Variants in NELL1 observed in about 807,000 individuals in gnomAD.
NELL1 encodes the protein protein kinase C-binding protein NELL1.
A neutral mutation model predicts 107.4 loss-of-function variants in NELL1; 76 were observed. The ratio of observed to expected loss-of-function variants is 0.71; its 90% confidence interval spans 0.59 to 0.86. The LOEUF (loss-of-function observed/expected upper bound fraction) is 0.86, where lower values mean the gene tolerates loss of function less well. Ranked by LOEUF, NELL1 falls within the 40% of genes least tolerant of loss-of-function variation. NELL1 has a pLI of 0.00. For missense variants in NELL1, 1,024 were observed against 1,005.5 expected (o/e 1.02, Z -0.25); for synonymous variants, 353 against 341.2 (o/e 1.03, Z -0.38).
At chr11:20,842,751 A>G (rs1848642713) in intron 3 of NELL1, among the ~76,000 whole-genome samples, 1 of 152,236 alleles carries the variant, frequency 6.6e-6, no homozygotes, top group Admixed American at 6.5e-5. Context: ...TACGAGGATT[A>G]CATGAGTAAA....
At chr11:21,351,976 T>A (rs1850827963) in intron 14 of NELL1, among the ~76,000 whole-genome samples, 1 of 152,170 alleles carries the variant, frequency 6.6e-6, no homozygotes, top group Non-Finnish European at 1.5e-5. Context: ...TCTGTTACCG[T>A]CTCCTACAAC....
chr11:21,169,729 A>T, intron 13 of NELL1: 1 of 801,754 alleles, frequency 1.2e-6, no homozygotes. Flanking sequence ...GCACAGAAGT[A>T]GTCATGTGAC....
chr11:21,285,740 A>G (rs867595298), intron 14 of NELL1, among the ~76,000 whole-genome samples: 7 of 152,226 alleles, frequency 4.6e-5, no homozygotes, highest in Admixed American at 1.3e-4. Flanking sequence ...AGTGTTTCAC[A>G]GTCTTTTACG....
chr11:21,276,818 A>G (rs953597470), intron 14 of NELL1, among the ~76,000 whole-genome samples: 2 of 152,244 alleles, frequency 1.3e-5, no homozygotes, highest in Non-Finnish European at 2.9e-5. Flanking sequence ...TGTTTAATCA[A>G]TGGCGCTGGG....
chr11:21,434,483 CT>C (rs1251257277), intron 15 of NELL1, among the ~76,000 whole-genome samples: 1 of 152,022 alleles, frequency 6.6e-6, no homozygotes, highest in Non-Finnish European at 1.5e-5. Context: ...GTGTCTTTGT[CT>C]AAAATCAGAT....
intron 10 of NELL1, among the ~76,000 whole-genome samples, chr11:20,943,703 TAGTG>T (rs1850905344): frequency 6.6e-6 from 1 of 152,082 alleles, no homozygotes; most frequent in Non-Finnish European, 1.5e-5. Context: ...GCCACATAGG[TAGTG>T]AGTGAGCCAG....
intron 2 of NELL1, among the ~76,000 whole-genome samples, chr11:20,779,457 G>T (rs1173398833): frequency 6.6e-6 from 1 of 152,036 alleles, no homozygotes; most frequent in Non-Finnish European, 1.5e-5. Flanking sequence ...TGTCCCATTT[G>T]TTTTTCCTGT....
intron 2 of NELL1, among the ~76,000 whole-genome samples, chr11:20,767,202 AG>A (rs1564900278): frequency 6.6e-6 from 1 of 152,182 alleles, no homozygotes. Flanking sequence ...CAGCTCTTAA[AG>A]GTGACATGGA....
intron 12 of NELL1, among the ~76,000 whole-genome samples, chr11:21,051,093 A>G (rs1853482602): frequency 6.6e-6 from 1 of 152,202 alleles, no homozygotes. Context: ...ATACATGTTC[A>G]TAGCAACCCA....
At chr11:21,010,405 A>T (rs920299848) in intron 12 of NELL1, among the ~76,000 whole-genome samples, 2 of 152,068 alleles carry the variant, frequency 1.3e-5, no homozygotes, top group Non-Finnish European at 2.9e-5. Flanking sequence ...TCCAAGTTCT[A>T]ATACAATAGA....
intron 14 of NELL1, among the ~76,000 whole-genome samples, chr11:21,266,235 G>A (rs1169364178): frequency 1.3e-5 from 2 of 151,958 alleles, no homozygotes; most frequent in Non-Finnish European, 2.9e-5. Context: ...TGTGAAGGCA[G>A]TAGGTTTTAT....
intron 2 of NELL1, among the ~76,000 whole-genome samples, chr11:20,755,547 T>TA (rs1856248583): frequency 1.1e-4 from 4 of 38,028 alleles, no homozygotes; most frequent in East Asian, 1.1e-3. Context: ...TTTGTTTTTT[T>TA]TTGTTTTTGT....
At chr11:20,708,841 A>G (rs1388026496) in intron 2 of NELL1, among the ~76,000 whole-genome samples, 1 of 152,156 alleles carries the variant, frequency 6.6e-6, no homozygotes, top group Non-Finnish European at 1.5e-5. Context: ...GGCACCAGGG[A>G]CCAGTTGCAT....
chr11:21,526,840 A>C lies in NELL1; in HGVS notation c.1646-7534A>C, dbSNP rs1178715904. ...CAGAGGGGCCCTGGACTCAGCCCCA[A>C]AAACCACTTTTCCCTCCTAGGCCTC... is the stretch of plus-strand genomic sequence containing the variant. On this transcript the variant is annotated intron_variant, in intron 15 of 19. Transcript: ENST00000357134. Among the ~76,000 whole-genome samples the C allele has an allele frequency of 2.0e-5, 3 of 152,200 alleles. No homozygotes were observed. In the East Asian group the frequency reaches 5.8e-4, roughly 29 times the overall value.
At chr11:20,869,027 C>G (rs1471701989) in intron 4 of NELL1, among the ~76,000 whole-genome samples, 4 of 152,088 alleles carry the variant, frequency 2.6e-5, no homozygotes, top group Admixed American at 2.6e-4. Context: ...TGTCTGGAAC[C>G]AAGGGTCCAG....
intron 12 of NELL1, among the ~76,000 whole-genome samples, chr11:21,064,529 A>T (rs985683906): frequency 2.0e-5 from 3 of 152,110 alleles, no homozygotes; most frequent in Admixed American, 6.5e-5. Context: ...TGGGTACTGG[A>T]TGTCTTCTAG....
chr11:20,992,768 G>A (rs957296049), intron 12 of NELL1, among the ~76,000 whole-genome samples: 3 of 143,570 alleles, frequency 2.1e-5, no homozygotes, highest in Non-Finnish European at 4.5e-5. Flanking sequence ...AGGCTGGAGT[G>A]CAATGGTGCG....
chr11:21,378,877 C>G (rs1246413907), intron 15 of NELL1, among the ~76,000 whole-genome samples: 2 of 151,686 alleles, frequency 1.3e-5, no homozygotes, highest in Non-Finnish European at 2.9e-5. Flanking sequence ...TCCACCACAC[C>G]CAGCTAATTT....
chr11:21,373,108 TC>T (rs1310462766), intron 15 of NELL1, among the ~76,000 whole-genome samples: 4 of 152,084 alleles, frequency 2.6e-5, no homozygotes, highest in Non-Finnish European at 5.9e-5. Flanking sequence ...ACAAGATTTC[TC>T]TGCATTTAAT....
Sources: gnomAD v4.1 joint callset for allele counts (sites outside exome capture counted in the v4.1 genomes callset) on GRCh38, gnomAD v4.1.1 for gene constraint, MANE v1.5 for transcripts, NCBI Gene and HGNC (gene_info 2026-07-23, HGNC 2026-07-21) for gene names.